The following TF variants were observed in gnomAD, a reference collection of about 807,000 sequenced individuals.
The protein encoded by TF is serotransferrin.
Under a neutral mutation model 82.4 loss-of-function variants are expected in TF, and 55 were observed. The ratio of observed to expected loss-of-function variants is 0.67; its 90% CI spans 0.54 to 0.84. The LOEUF is 0.84. TF is among the 40% of genes least tolerant of loss of function. The pLI is 0.00. For missense variants in TF, 737 were observed against 868.4 expected (o/e 0.85, Z 1.90); for synonymous variants, 332 against 332.6 (o/e 1.00, Z 0.02).
upstream of TF, among the ~76,000 whole-genome samples, chr3:133,742,340 A>G (rs1181049879): frequency 6.6e-6 from 1 of 152,156 alleles, no homozygotes; most frequent in Non-Finnish European, 1.5e-5. Context: ...ATTCTTCATG[A>G]GACAGGTATT....
intron 2 of TF, among the ~76,000 whole-genome samples, chr3:133,749,700 T>C (rs1438737969): frequency 6.6e-6 from 1 of 152,148 alleles, no homozygotes; most frequent in East Asian, 1.9e-4. Context: ...AGTGGGCTTA[T>C]TTAAGTTGCT....
At chr3:133,715,526 CTA>C in the TF span, among the ~76,000 whole-genome samples, 3 of 152,230 alleles carry the variant, frequency 2.0e-5, no homozygotes, top group Non-Finnish European at 4.4e-5. Context: ...AAACATGCTG[CTA>C]TGTTTTTCCA....
chr3:133,729,040 C>T, the TF span, among the ~76,000 whole-genome samples: 6 of 152,108 alleles, frequency 3.9e-5, no homozygotes, highest in Admixed American at 2.6e-4. Context: ...AGTACCCGGC[C>T]GTGTAAGGTG....
At chr3:133,697,137 T>G in the TF span, among the ~76,000 whole-genome samples, 2 of 152,232 alleles carry the variant, frequency 1.3e-5, no homozygotes, top group East Asian at 3.8e-4. Context: ...TGTCTCCTCA[T>G]TATTACACAT....
chr3:133,794,719 G>A lies in TF; in HGVS notation c.*16099G>A, dbSNP rs916268039. ...CTGTACACCCATTGGAACCCTTAAGGTAAAGCTAACCAGGGAAGTTTCTCT... is the reference window on the plus strand; with the variant it reads ...CTGTACACCCATTGGAACCCTTAAGATAAAGCTAACCAGGGAAGTTTCTCT... On this transcript the variant is annotated 3_prime_UTR_variant, in exon 17 of 17. Coordinates refer to ENST00000402696, the MANE Select transcript of TF (RefSeq NM_001063.4). 11 of 152,286 alleles carry A rather than the reference G, an allele frequency of 7.2e-5. No individual in the cohort carries two copies. Among genetic ancestry groups the A allele is most frequent in the African/African-American group, 2.6e-4 (11 of 41,538 alleles). The allele number at this position is 152,286 out of a possible 1,614,324, so 9.4% of individuals were successfully genotyped here.
the TF span, among the ~76,000 whole-genome samples, chr3:133,669,525 C>G: frequency 6.6e-6 from 1 of 152,200 alleles, no homozygotes. Context: ...TGAGTTATGG[C>G]CAATAGAATA....
chr3:133,740,960 G>T, the TF span, among the ~76,000 whole-genome samples: 3 of 96,878 alleles, frequency 3.1e-5, no homozygotes, highest in Non-Finnish European at 4.3e-5. Flanking sequence ...TGACTTTGGT[G>T]TGTTTACCTA....
At chr3:133,665,635 C>CT in the TF span, among the ~76,000 whole-genome samples, 2 of 151,906 alleles carry the variant, frequency 1.3e-5, 1 homozygote, top group South Asian at 4.2e-4. Flanking sequence ...TTATGGGCAA[C>CT]TTTATCTGTT....
the TF span, among the ~76,000 whole-genome samples, chr3:133,711,750 C>A: frequency 6.6e-6 from 1 of 152,180 alleles, no homozygotes; most frequent in East Asian, 1.9e-4. Flanking sequence ...CAGCTTACTG[C>A]CCCTGGCCCA....
chr3:133,704,684 G>A, the TF span, among the ~76,000 whole-genome samples: 1 of 152,156 alleles, frequency 6.6e-6, no homozygotes, highest in Non-Finnish European at 1.5e-5. Context: ...TTTTATCATA[G>A]GTGAGAAGAC....
chr3:133,666,422 C>T, the TF span, among the ~76,000 whole-genome samples: 1 of 152,170 alleles, frequency 6.6e-6, no homozygotes, highest in Admixed American at 6.5e-5. Context: ...TCACCCACCT[C>T]GACCTCCCAA....
At chr3:133,750,724 TC>T (rs1463590593) in intron 2 of TF, among the ~76,000 whole-genome samples, 1 of 152,064 alleles carries the variant, frequency 6.6e-6, no homozygotes, top group East Asian at 1.9e-4. Flanking sequence ...CTGACCACTC[TC>T]CCAACCCCAC....
At chr3:133,710,900 A>C in the TF span, among the ~76,000 whole-genome samples, 1 of 151,638 alleles carries the variant, frequency 6.6e-6, no homozygotes, top group African/African-American at 2.4e-5. Context: ...TCACTCTTCA[A>C]CTCCCTGCCG....
At chr3:133,753,265 G>T (rs147869027) in intron 2 of TF, among the ~76,000 whole-genome samples, 1 of 152,182 alleles carries the variant, frequency 6.6e-6, no homozygotes, top group East Asian at 1.9e-4. Flanking sequence ...TGGCGAGGGC[G>T]GCTTTCTCCC....
chr3:133,789,357 G>A lies in TF; in HGVS notation c.*10737G>A, dbSNP rs1212242703. On this transcript the variant is annotated 3_prime_UTR_variant, in exon 17 of 17. Transcript: ENST00000402696. ...TTATTATGTGATGTTCTCCTTTGGT[G>A]CTGTTTGACCCCAGTGTTCTTTCGA... The A allele has an allele frequency of 6.6e-6, 1 of 152,236 alleles. No homozygotes were observed. Among genetic ancestry groups the A allele is most frequent in the Non-Finnish European group, 1.5e-5 (1 of 68,046 alleles). The allele number at this position is 152,236 out of a possible 1,614,324, so 9.4% of individuals were successfully genotyped here.
In TF at chr3:133,778,476, GC is replaced by G. The variant is rs1934450810; in HGVS notation, c.2063-109del. The G allele has an allele frequency of 6.0e-6, 7 of 1,172,752 alleles. No homozygotes were observed. In the South Asian group the frequency reaches 8.9e-5, roughly 15 times the overall value. 72.6% of individuals were successfully genotyped at this position (1,172,752 alleles called of 1,614,324 possible). ...AACGGCCCAGTTCACAGAAGAGGAG[GC>G]AGCAAGTCTGCACACTTTGTACTAT... On this transcript the variant is annotated intron_variant, in intron 16 of 16. Transcript: ENST00000402696.
chr3:133,700,443 C>T, the TF span, among the ~76,000 whole-genome samples: 1 of 152,222 alleles, frequency 6.6e-6, no homozygotes, highest in Non-Finnish European at 1.5e-5. Context: ...TGGTGTCCCA[C>T]AGCTGGTCCT....
rs1934611946 is a variant in TF, at chr3:133,784,670, G to T, written c.*6050G>T. ...ACGCTCCTTATGAGACTCTAATAAT[G>T]CCTGATGATCTGAGGTGGAACAGTT... On this transcript the variant is annotated 3_prime_UTR_variant, in exon 17 of 17. Transcript: ENST00000402696. The T allele has an allele frequency of 6.6e-6, 1 of 151,912 alleles. No individual in the cohort carries two copies. Among genetic ancestry groups the T allele is most frequent in the Non-Finnish European group, 1.5e-5 (1 of 67,988 alleles). 9.4% of individuals were successfully genotyped at this position (151,912 alleles called of 1,614,324 possible).
At chr3:133,765,022 T>A in intron 11 of TF, 115 bp downstream of exon 11, 1 of 998,662 alleles carries the variant, frequency 1.0e-6, no homozygotes, top group Non-Finnish European at 1.6e-6. Context: ...ATTTTCACAA[T>A]GCGAGAGAAT....
Sources: gnomAD v4.1 joint callset for allele counts (sites outside exome capture counted in the v4.1 genomes callset) on GRCh38, gnomAD v4.1.1 for gene constraint, MANE v1.5 for transcripts, NCBI Gene and HGNC (gene_info 2026-07-23, HGNC 2026-07-21) for gene names.